PARD3B: variants seen among roughly 807,000 people sequenced by gnomAD.
The protein encoded by PARD3B is partitioning defective 3 homolog B.
In PARD3B, 103 loss-of-function variants were observed where a neutral mutation model predicts 130.2. That is an observed-to-expected ratio of 0.79 (90% CI 0.67 to 0.93). The LOEUF is 0.93. Ranked by LOEUF, PARD3B falls within the 40% of genes least tolerant of loss-of-function variation. The pLI is 0.00. For missense variants in PARD3B, 1,609 were observed against 1,499.2 expected (o/e 1.07, Z -1.21); for synonymous variants, 583 against 553.2 (o/e 1.05, Z -0.76).
chr2:205,206,523 A>C (rs1418939794), intron 15 of PARD3B, among the ~76,000 whole-genome samples: 1 of 151,392 alleles, frequency 6.6e-6, no homozygotes, highest in Non-Finnish European at 1.5e-5. Flanking sequence ...AATTTCATCC[A>C]TGTCCCTACA....
rs1559575035 is a variant in PARD3B at position 205,238,882 on chromosome 2, G to GTGTGTATATATATATATATATATATGTA, written c.2141-6871_2141-6870insGTATGTGTATATATATATATATATATAT. On this transcript the variant is annotated intron_variant, in intron 15 of 22. Transcript: ENST00000406610. ...TATATATATATATATATATATGTAT[G>GTGTGTATATATATATATATATATATGTA]TGTGTATATATATATATATATATAT... Among the ~76,000 whole-genome samples the GTGTGTATATATATATATATATATATGTA allele has an allele frequency of 4.3e-4, 31 of 72,388 alleles. 1 individual carries two copies. Among genetic ancestry groups the GTGTGTATATATATATATATATATATGTA allele is most frequent in the African/African-American group, 1.7e-3 (30 of 17,440 alleles). 47.5% of individuals were successfully genotyped at this position (72,388 alleles called of 152,430 possible).
chr2:204,937,492 G>A (rs947339491), intron 2 of PARD3B, among the ~76,000 whole-genome samples: 1 of 152,138 alleles, frequency 6.6e-6, no homozygotes, highest in Non-Finnish European at 1.5e-5. Context: ...GTGTGTTGCG[G>A]TACTCCAGGA....
At chr2:204,968,659 A>G (rs1289284579) in intron 3 of PARD3B, among the ~76,000 whole-genome samples, 1 of 152,130 alleles carries the variant, frequency 6.6e-6, no homozygotes, top group Non-Finnish European at 1.5e-5. Flanking sequence ...TGTATAGTGA[A>G]CTCATATGCA....
intron 1 of PARD3B, among the ~76,000 whole-genome samples, chr2:204,626,953 G>A (rs532723310): frequency 6.6e-6 from 1 of 152,110 alleles, no homozygotes; most frequent in African/African-American, 2.4e-5. Flanking sequence ...GGAGGGACCT[G>A]TAATCCCCAC....
intron 22 of PARD3B, among the ~76,000 whole-genome samples, chr2:205,607,171 G>C (rs1002858342): frequency 7.2e-5 from 11 of 151,788 alleles, no homozygotes; most frequent in African/African-American, 2.7e-4. Flanking sequence ...AATGTTGTTT[G>C]TGCTCTTTCT....
chr2:204,833,101 G>T (rs2043891177), intron 2 of PARD3B, among the ~76,000 whole-genome samples: 1 of 152,178 alleles, frequency 6.6e-6, no homozygotes, highest in African/African-American at 2.4e-5. Context: ...TTCATTTATT[G>T]TGAAAAATGG....
chr2:204,855,310 C>A (rs948607893), intron 2 of PARD3B, among the ~76,000 whole-genome samples: 12 of 152,120 alleles, frequency 7.9e-5, no homozygotes, highest in Admixed American at 3.3e-4. Context: ...TTTGGGAGGC[C>A]AAGCTGGGTG....
rs956939621 is a variant in PARD3B, at chr2:205,550,795, AATATATGCATATTTATATGT to A, written c.3181-2521_3181-2502del. Among the ~76,000 whole-genome samples the A allele has an allele frequency of 5.4e-4, 81 of 150,198 alleles. 2 individuals are homozygous for A. The East Asian group carries it at 0.015, about 27-fold the overall frequency. On this transcript the variant is annotated intron_variant, in intron 21 of 22. Transcript: ENST00000406610. This position sits in a 1 kb window ranked among gnomAD's most constrained non-coding sequence, Gnocchi z 4.5. The stretch of plus-strand genomic sequence containing the variant: ...ATATGTATATACATGCAAATATACA[AATATATGCATATTTATATGT>A]ATATATGTATATTTTATGTATATTT...
chr2:204,865,401 A>G (rs2045368270), intron 2 of PARD3B, among the ~76,000 whole-genome samples: 1 of 152,260 alleles, frequency 6.6e-6, no homozygotes, highest in Non-Finnish European at 1.5e-5. Flanking sequence ...CCATCAATCA[A>G]CAAATGGATA....
At chr2:204,615,759 A>G (rs2034089633) in intron 1 of PARD3B, among the ~76,000 whole-genome samples, 1 of 152,192 alleles carries the variant, frequency 6.6e-6, no homozygotes, top group African/African-American at 2.4e-5. Context: ...TGAAAAAACT[A>G]CTGGTTCAGT....
At chr2:205,126,794 A>G (rs1173373017) in intron 10 of PARD3B, among the ~76,000 whole-genome samples, 4 of 149,066 alleles carry the variant, frequency 2.7e-5, no homozygotes, top group Non-Finnish European at 5.9e-5. Flanking sequence ...AAAATTGATA[A>G]TAGCATGAGA....
intron 10 of PARD3B, among the ~76,000 whole-genome samples, chr2:205,139,703 T>C (rs2032788078): frequency 6.6e-6 from 1 of 152,146 alleles, no homozygotes. Flanking sequence ...TAGAACTTTG[T>C]CTTCAGCTGT....
rs57057622 is a variant in PARD3B, at chr2:205,280,392, C to T, written c.2186-20138C>T. Among the ~76,000 whole-genome samples, 121 of 152,288 alleles carry T rather than the reference C, an allele frequency of 7.9e-4. No homozygotes were observed. Among genetic ancestry groups the T allele is most frequent in the African/African-American group, 2.7e-3 (113 of 41,562 alleles). ...CTTTTTCTCTTTTCAATGGAATTCA[C>T]GACTGTTCTTGGTTTTCAGACTTGT... On this transcript the variant is annotated intron_variant, in intron 16 of 22. Coordinates refer to ENST00000406610, the MANE Select transcript of PARD3B (RefSeq NM_001302769.2). The surrounding 1 kb of genome is among the most constrained non-coding windows in gnomAD (Gnocchi z 4.7).
chr2:205,232,389 T>G (rs1353112734), intron 15 of PARD3B, among the ~76,000 whole-genome samples: 1 of 152,202 alleles, frequency 6.6e-6, no homozygotes. Flanking sequence ...AAACTGTGAT[T>G]GTGCCACTGT....
intron 18 of PARD3B, among the ~76,000 whole-genome samples, chr2:205,363,839 T>A (rs938581082): frequency 3.2e-5 from 1 of 31,622 alleles, no homozygotes; most frequent in Non-Finnish European, 1.5e-4. Flanking sequence ...TGACTTTTTT[T>A]TTTTTTTTTT....
intron 3 of PARD3B, among the ~76,000 whole-genome samples, chr2:204,977,652 A>T (rs950621429): frequency 6.6e-6 from 1 of 151,916 alleles, no homozygotes; most frequent in African/African-American, 2.4e-5. Flanking sequence ...CGCTAAAAAT[A>T]CAAAAAAAAA....
intron 1 of PARD3B, among the ~76,000 whole-genome samples, chr2:204,627,368 ATATTT>A (rs1291522959): frequency 6.6e-6 from 1 of 152,166 alleles, no homozygotes; most frequent in Non-Finnish European, 1.5e-5. Flanking sequence ...AACATTATTT[ATATTT>A]TATTTAAAAT....
chr2:205,094,682 A>G (rs908761347), intron 4 of PARD3B, among the ~76,000 whole-genome samples: 6 of 152,204 alleles, frequency 3.9e-5, no homozygotes, highest in African/African-American at 9.6e-5. Flanking sequence ...CCAGCAGGGA[A>G]GTATGCTTGT....
intron 18 of PARD3B, among the ~76,000 whole-genome samples, chr2:205,328,895 G>C (rs1232782366): frequency 1.3e-5 from 2 of 152,048 alleles, no homozygotes; most frequent in African/African-American, 4.8e-5. Flanking sequence ...TCAGATATTA[G>C]GAATATGAAG....
Sources: allele counts gnomAD v4.1 joint callset (sites outside exome capture counted in the v4.1 genomes callset), GRCh38; gene constraint gnomAD v4.1.1; non-coding constraint Gnocchi (gnomAD v3.1); transcripts MANE v1.5; gene names NCBI Gene and HGNC (gene_info 2026-07-23, HGNC 2026-07-21).